The following CNTN4 variants were observed in gnomAD, a reference collection of about 807,000 sequenced individuals.
CNTN4 encodes contactin-4.
A neutral mutation model predicts 122.5 loss-of-function variants in CNTN4; 77 were observed. The observed-to-expected ratio is 0.63, with a 90% CI of 0.52 to 0.76. The LOEUF is 0.76. Ranked by LOEUF, CNTN4 falls within the 30% of genes least tolerant of loss-of-function variation. The probability of loss-of-function intolerance (pLI) is 0.00; values close to 1 mark genes in which losing one functional copy is unlikely to be tolerated. For synonymous variants in CNTN4, 512 were observed against 447.0 expected, an observed-to-expected ratio of 1.15 and a Z score of -1.83; for missense variants, 1,256 against 1,259.1, an observed-to-expected ratio of 1.00 and a Z score of 0.04.
intron 2 of CNTN4, among the ~76,000 whole-genome samples, chr3:2,198,886 C>T (rs1309951579): frequency 2.0e-5 from 3 of 152,136 alleles, no homozygotes; most frequent in African/African-American, 7.2e-5. Context: ...GGGGCTATTC[C>T]AATATACCAG....
chr3:2,931,682 G>A (rs984746839), intron 13 of CNTN4, among the ~76,000 whole-genome samples: 4 of 151,974 alleles, frequency 2.6e-5, no homozygotes, highest in Non-Finnish European at 4.4e-5. Flanking sequence ...AGGCTGGACA[G>A]CAGTGGTGAG....
chr3:2,947,563 A>T (rs2094692503), intron 13 of CNTN4, among the ~76,000 whole-genome samples: 1 of 152,232 alleles, frequency 6.6e-6, no homozygotes, highest in Admixed American at 6.5e-5. Flanking sequence ...TTAATAGTGG[A>T]AACTCTGTGT....
At chr3:2,112,733 T>C (rs1388715498) in intron 2 of CNTN4, among the ~76,000 whole-genome samples, 1 of 152,318 alleles carries the variant, frequency 6.6e-6, no homozygotes, top group East Asian at 1.9e-4. Flanking sequence ...TTCTAACACA[T>C]ACAATGAGAA....
At chr3:2,758,808 C>G (rs1247325064) in intron 6 of CNTN4, among the ~76,000 whole-genome samples, 1 of 147,638 alleles carries the variant, frequency 6.8e-6, no homozygotes, top group Non-Finnish European at 1.5e-5. Context: ...TGCACCTAGC[C>G]AGTACCATAC....
intron 2 of CNTN4, among the ~76,000 whole-genome samples, chr3:2,242,874 G>A (rs1034839808): frequency 2.8e-4 from 42 of 152,032 alleles, no homozygotes; most frequent in Admixed American, 4.6e-4. Flanking sequence ...CACTAATCAC[G>A]TATAACAGTT....
intron 3 of CNTN4, among the ~76,000 whole-genome samples, chr3:2,356,952 C>G (rs1229833045): frequency 6.6e-6 from 1 of 152,168 alleles, no homozygotes; most frequent in Non-Finnish European, 1.5e-5. Flanking sequence ...GACATTTTTA[C>G]TAGAAATTCC....
At chr3:2,309,839 A>T (rs554436740) in intron 2 of CNTN4, among the ~76,000 whole-genome samples, 1 of 152,180 alleles carries the variant, frequency 6.6e-6, no homozygotes, top group Non-Finnish European at 1.5e-5. Context: ...TCTGTTTTCC[A>T]CATGTGGAAA....
chr3:2,825,621 C>G (rs1262724113), intron 7 of CNTN4, among the ~76,000 whole-genome samples: 1 of 152,098 alleles, frequency 6.6e-6, no homozygotes, highest in Non-Finnish European at 1.5e-5. Context: ...CCTAGCAGTT[C>G]AAGGCTGCAG....
intron 4 of CNTN4, among the ~76,000 whole-genome samples, chr3:2,702,399 CA>C (rs2149265733): frequency 6.6e-6 from 1 of 152,326 alleles, no homozygotes; most frequent in South Asian, 2.1e-4. Context: ...CCTGAGTTAA[CA>C]AATGTGATGT....
chr3:2,497,638 A>G (rs1208130684), intron 3 of CNTN4, among the ~76,000 whole-genome samples: 1 of 152,114 alleles, frequency 6.6e-6, no homozygotes, highest in African/African-American at 2.4e-5. Context: ...TATATTTTGT[A>G]TTAATATTGC....
chr3:2,232,580 A>T (rs983639030), intron 2 of CNTN4, among the ~76,000 whole-genome samples: 1 of 152,128 alleles, frequency 6.6e-6, no homozygotes, highest in African/African-American at 2.4e-5. Context: ...AAAAATTGGT[A>T]TGCTGTTTTT....
At chr3:2,480,077 A>G (rs570588633) in intron 3 of CNTN4, among the ~76,000 whole-genome samples, 3 of 152,282 alleles carry the variant, frequency 2.0e-5, no homozygotes, top group Non-Finnish European at 2.9e-5. Flanking sequence ...CTCATTCATG[A>G]TAAGAACTCT....
chr3:2,620,010 C>T (rs1042879231), intron 4 of CNTN4, among the ~76,000 whole-genome samples: 2 of 620 alleles, frequency 3.2e-3, no homozygotes, highest in Non-Finnish European at 7.0e-3. Flanking sequence ...CAAATATGTA[C>T]CCAAGTAGTA....
intron 4 of CNTN4, among the ~76,000 whole-genome samples, chr3:2,640,487 G>A (rs2082851983): frequency 6.6e-6 from 1 of 152,122 alleles, no homozygotes; most frequent in South Asian, 2.1e-4. Flanking sequence ...CGATAAACAA[G>A]GGGGGAAATG....
chr3:2,769,835 C>A (rs1031037777), intron 6 of CNTN4, among the ~76,000 whole-genome samples: 1 of 152,166 alleles, frequency 6.6e-6, no homozygotes, highest in Non-Finnish European at 1.5e-5. Context: ...CTACAACAAG[C>A]AGATCAAAAA....
At chr3:3,027,034 C>A (rs1014265224) in intron 15 of CNTN4, among the ~76,000 whole-genome samples, 8 of 152,038 alleles carry the variant, frequency 5.3e-5, no homozygotes, top group Non-Finnish European at 1.0e-4. Context: ...AAAAATGGGG[C>A]CCTGACTTGA....
chr3:2,769,633 A>G (rs1221370382), intron 6 of CNTN4, among the ~76,000 whole-genome samples: 1 of 152,214 alleles, frequency 6.6e-6, no homozygotes, highest in African/African-American at 2.4e-5. Flanking sequence ...TTTAGTATCC[A>G]TAGTTAGAAA....
At chr3:2,336,391 A>G (rs1575405178) in intron 2 of CNTN4, among the ~76,000 whole-genome samples, 1 of 152,174 alleles carries the variant, frequency 6.6e-6, no homozygotes, top group African/African-American at 2.4e-5. Flanking sequence ...ACAGTTGATT[A>G]TGATTCATAT....
intron 4 of CNTN4, among the ~76,000 whole-genome samples, chr3:2,659,605 G>A (rs981888906): frequency 6.6e-6 from 1 of 151,856 alleles, no homozygotes; most frequent in Non-Finnish European, 1.5e-5. Flanking sequence ...GAATTCTAAC[G>A]ACTTTTACAC....
Sources: allele counts gnomAD v4.1 joint callset (sites outside exome capture counted in the v4.1 genomes callset), GRCh38; gene constraint gnomAD v4.1.1; transcripts MANE v1.5; gene names NCBI Gene and HGNC (gene_info 2026-07-23, HGNC 2026-07-21).